The following NTN1 variants were observed in gnomAD, a reference collection of about 807,000 sequenced individuals.
The protein encoded by NTN1 is netrin-1.
A neutral mutation model predicts 54.2 loss-of-function variants in NTN1; 11 were observed. That is an observed-to-expected ratio of 0.20 (90% CI 0.13 to 0.34). The LOEUF (loss-of-function observed/expected upper bound fraction) is 0.34. NTN1 is among the 10% of genes least tolerant of loss of function. The pLI, the probability that NTN1 is intolerant of heterozygous loss-of-function variation, is 1.00. For missense variants in NTN1, 740 were observed against 893.1 expected (o/e 0.83, Z 2.18); for synonymous variants, 371 against 382.0 (o/e 0.97, Z 0.33).
chr17:9,163,477 AACACACACACACAC>A (rs55765967), intron 3 of NTN1, among the ~76,000 whole-genome samples: 46 of 142,792 alleles, frequency 3.2e-4, no homozygotes, highest in South Asian at 4.7e-4. Context: ...TCCCCCCCGA[AACACACACACACAC>A]ACACACACAC....
At chr17:9,107,449 A>G (rs2092171296) in intron 2 of NTN1, among the ~76,000 whole-genome samples, 1 of 152,216 alleles carries the variant, frequency 6.6e-6, no homozygotes, top group Non-Finnish European at 1.5e-5. Flanking sequence ...CTGTTTCCAG[A>G]TTATACATTG....
chr17:9,226,428 GTGGGGAGGCGGTCTCGTGGGGAGGCTGTC>G (rs1905554594), intron 6 of NTN1, among the ~76,000 whole-genome samples: 1 of 96,710 alleles, frequency 1.0e-5, no homozygotes, highest in Non-Finnish European at 1.9e-5. Flanking sequence ...AGGCGGTCTC[GTGGGGAGGCGGTCTCGTGGGGAGGCTGTC>G]TCGTGGGGAG....
chr17:9,047,257 T>A (rs146340758), intron 2 of NTN1, among the ~76,000 whole-genome samples: 1 of 152,354 alleles, frequency 6.6e-6, no homozygotes, highest in African/African-American at 2.4e-5. Context: ...TCACTCTTCC[T>A]TTCATGAAAG....
intron 2 of NTN1, among the ~76,000 whole-genome samples, chr17:9,138,995 G>A (rs930399175): frequency 4.6e-5 from 7 of 152,168 alleles, no homozygotes; most frequent in Middle Eastern, 3.2e-3. Flanking sequence ...CCAGTGTGGC[G>A]TGTGGTGGAG....
intron 2 of NTN1, among the ~76,000 whole-genome samples, chr17:9,040,917 T>A (rs2091919245): frequency 6.6e-6 from 1 of 152,008 alleles, no homozygotes; most frequent in South Asian, 2.1e-4. Context: ...GCTAAAGCAA[T>A]CCTCCTACCT....
chr17:9,235,421 T>C (rs1048575756), intron 6 of NTN1, among the ~76,000 whole-genome samples: 3 of 152,190 alleles, frequency 2.0e-5, no homozygotes, highest in African/African-American at 7.2e-5. Context: ...AGACAACTTT[T>C]AGGACATCAA....
At chr17:9,064,998 G>A (rs1197953799) in intron 2 of NTN1, among the ~76,000 whole-genome samples, 2 of 152,100 alleles carry the variant, frequency 1.3e-5, no homozygotes, top group Admixed American at 6.5e-5. Flanking sequence ...GTGCAGTGGT[G>A]CAATCTCGGC....
chr17:9,004,410 C>T, the NTN1 span, among the ~76,000 whole-genome samples: 1 of 152,278 alleles, frequency 6.6e-6, no homozygotes, highest in African/African-American at 2.4e-5. Context: ...CGGCCTCCTG[C>T]TCGCCACCCC....
rs1483785173 is a variant in NTN1, at chr17:9,023,186, G to A, written c.813G>A (p.Ser271=). 6.4e-7 allele frequency: 1 copy of A among 1,562,934 alleles called. No individual in the cohort carries two copies. ...NEDDSELARD[S]YFYAVSDLQV... is the part of the protein sequence containing the mutation. ...ACGACTCGGAGCTGGCGCGCGACTC[G>A]TACTTCTACGCGGTGTCCGACCTGC... Residue 271 remains serine (S), a synonymous_variant, in exon 2 of 7, where the codon TCG becomes TCA. Transcript: ENST00000173229.
At chr17:9,058,622 C>G (rs184211717) in intron 2 of NTN1, among the ~76,000 whole-genome samples, 1 of 116,232 alleles carries the variant, frequency 8.6e-6, no homozygotes, top group African/African-American at 3.5e-5. Context: ...AGATCCTTGG[C>G]CCATGGTAGG....
intron 2 of NTN1, among the ~76,000 whole-genome samples, chr17:9,121,078 C>T (rs1391416404): frequency 6.6e-6 from 1 of 152,108 alleles, no homozygotes; most frequent in Admixed American, 6.5e-5. Context: ...CAATACAGGA[C>T]TGTGTGGTGC....
the NTN1 span, among the ~76,000 whole-genome samples, chr17:9,004,327 CTT>C: frequency 6.6e-6 from 1 of 152,254 alleles, no homozygotes; most frequent in South Asian, 2.1e-4. Context: ...CCTGCACAGA[CTT>C]TTTATTCCGA....
chr17:9,234,904 T>C (rs1314874999), intron 6 of NTN1, among the ~76,000 whole-genome samples: 1 of 152,144 alleles, frequency 6.6e-6, no homozygotes, highest in Non-Finnish European at 1.5e-5. Context: ...CAGTGACCTC[T>C]TCCTGTATAC....
At chr17:9,233,756 G>C (rs1905891505) in intron 6 of NTN1, among the ~76,000 whole-genome samples, 1 of 152,006 alleles carries the variant, frequency 6.6e-6, no homozygotes, top group Admixed American at 6.5e-5. Flanking sequence ...AGGTACCCCA[G>C]GAAGGAAGAC....
chr17:9,097,910 T>A (rs965716643), intron 2 of NTN1, among the ~76,000 whole-genome samples: 1 of 151,940 alleles, frequency 6.6e-6, no homozygotes, highest in African/African-American at 2.4e-5. Context: ...AATATAAGTC[T>A]TTGTTCTCCT....
At chr17:9,074,865 TC>T (rs1452170395) in intron 2 of NTN1, among the ~76,000 whole-genome samples, 1 of 152,148 alleles carries the variant, frequency 6.6e-6, no homozygotes, top group Non-Finnish European at 1.5e-5. Flanking sequence ...CAAAGGCAAG[TC>T]TCAGGAATGT....
At chr17:9,126,679 G>C (rs140805922) in intron 2 of NTN1, among the ~76,000 whole-genome samples, 3 of 152,128 alleles carry the variant, frequency 2.0e-5, no homozygotes, top group African/African-American at 7.2e-5. Flanking sequence ...TTAGGGCTTC[G>C]CATTCAGCTC....
At chr17:9,195,476 A>C (rs574787691) in intron 5 of NTN1, among the ~76,000 whole-genome samples, 1 of 152,100 alleles carries the variant, frequency 6.6e-6, no homozygotes, top group Non-Finnish European at 1.5e-5. Flanking sequence ...AGAGGATGGG[A>C]GTCCTTGGAC....
chr17:9,222,766 C>T (rs961584641), intron 6 of NTN1, among the ~76,000 whole-genome samples: 2 of 152,174 alleles, frequency 1.3e-5, no homozygotes, highest in African/African-American at 4.8e-5. Flanking sequence ...GCTGCTTGAA[C>T]AAGGCTTTCT....
Sources: allele counts gnomAD v4.1 joint callset (sites outside exome capture counted in the v4.1 genomes callset), GRCh38; gene constraint gnomAD v4.1.1; transcripts MANE v1.5; gene names NCBI Gene and HGNC (gene_info 2026-07-23, HGNC 2026-07-21).